Variants in XKR6 observed in about 807,000 individuals in gnomAD.
XKR6 encodes XK related 6, also known as XK-related protein 6.
A neutral mutation model predicts 56.7 loss-of-function variants in XKR6; 22 were observed. That is an observed-to-expected ratio of 0.39 (90% CI 0.28 to 0.55). The LOEUF (loss-of-function observed/expected upper bound fraction) is 0.55. Ranked by LOEUF, XKR6 falls within the 20% of genes least tolerant of loss-of-function variation. The pLI is 0.66. For synonymous variants in XKR6, 524 were observed against 387.8 expected, an observed-to-expected ratio of 1.35 and a Z score of -4.13; for missense variants, 852 against 889.0, an observed-to-expected ratio of 0.96 and a Z score of 0.53.
intron 1 of XKR6, among the ~76,000 whole-genome samples, chr8:10,968,996 G>A (rs1031226118): frequency 6.6e-6 from 1 of 152,210 alleles, no homozygotes; most frequent in Non-Finnish European, 1.5e-5. Flanking sequence ...GTTCAAGAAA[G>A]GGCAAAATAA....
chr8:10,947,245 G>C (rs1274086290), intron 1 of XKR6, among the ~76,000 whole-genome samples: 1 of 152,224 alleles, frequency 6.6e-6, no homozygotes, highest in Non-Finnish European at 1.5e-5. Context: ...CTGAGATTTG[G>C]TTTGGTTGAC....
At position 11,016,803 on chromosome 8, in the gene XKR6, T is replaced by C. The variant is rs184186588; in HGVS notation, c.765-91973A>G. ...TCCTTGCTCCCCCACCACTCTTCTCTCTCGGGCCAGCCGAGCCCAAAAGGC... is the reference window on the plus strand; with the variant it reads ...TCCTTGCTCCCCCACCACTCTTCTCCCTCGGGCCAGCCGAGCCCAAAAGGC... On this transcript the variant is annotated intron_variant, in intron 1 of 2. Transcript: ENST00000416569. 5.3e-3 allele frequency among the ~76,000 whole-genome samples: 809 copies of C among 152,268 alleles called. 3 individuals are homozygous for C. The highest frequency in any genetic ancestry group is 9.7e-3 in the Non-Finnish European group (659 of 68,024).
chr8:11,142,627 G>A (rs1373346332), intron 1 of XKR6, among the ~76,000 whole-genome samples: 1 of 152,170 alleles, frequency 6.6e-6, no homozygotes. Context: ...CTCTTGCCAT[G>A]TGAGATGCCT....
At chr8:11,182,036 C>G (rs1803014531) in intron 1 of XKR6, among the ~76,000 whole-genome samples, 1 of 152,236 alleles carries the variant, frequency 6.6e-6, no homozygotes, top group Non-Finnish European at 1.5e-5. Flanking sequence ...CCGCTCGCTT[C>G]CCAAAGTGCT....
At chr8:10,986,047 A>G (rs995669362) in intron 1 of XKR6, among the ~76,000 whole-genome samples, 2 of 152,258 alleles carry the variant, frequency 1.3e-5, no homozygotes, top group African/African-American at 4.8e-5. Flanking sequence ...ACAAAGATAC[A>G]GAATAGTGGA....
intron 1 of XKR6, among the ~76,000 whole-genome samples, chr8:11,059,168 G>C (rs958651597): frequency 6.6e-6 from 1 of 152,230 alleles, no homozygotes; most frequent in Admixed American, 6.5e-5. Context: ...TGGCGGCCAG[G>C]GTTTCGAGGG....
At chr8:11,167,582 G>A (rs1053271095) in intron 1 of XKR6, among the ~76,000 whole-genome samples, 26 of 152,224 alleles carry the variant, frequency 1.7e-4, no homozygotes, top group African/African-American at 5.1e-4. Context: ...AGTTACCTTA[G>A]GAAATTAGGG....
intron 1 of XKR6, among the ~76,000 whole-genome samples, chr8:11,070,019 A>T (rs1800076768): frequency 6.6e-6 from 1 of 152,136 alleles, no homozygotes; most frequent in South Asian, 2.1e-4. Flanking sequence ...TCCTAAAGGG[A>T]TCTTCTGAAG....
intron 1 of XKR6, among the ~76,000 whole-genome samples, chr8:10,954,422 A>C (rs891508847): frequency 2.6e-5 from 4 of 152,228 alleles, no homozygotes; most frequent in African/African-American, 7.2e-5. Context: ...AATGATGTTC[A>C]GTGTCTTTTC....
intron 1 of XKR6, among the ~76,000 whole-genome samples, chr8:11,170,505 A>G (rs1271779290): frequency 6.6e-6 from 1 of 152,210 alleles, no homozygotes; most frequent in Non-Finnish European, 1.5e-5. Context: ...GCAACTCTAC[A>G]GACACAGACT....
chr8:11,000,559 C>G (rs190638437), intron 1 of XKR6, among the ~76,000 whole-genome samples: 8 of 152,246 alleles, frequency 5.3e-5, no homozygotes, highest in African/African-American at 1.9e-4. Flanking sequence ...GTGGCACACG[C>G]CTGTAGTCCC....
intron 1 of XKR6, among the ~76,000 whole-genome samples, chr8:11,103,611 T>C (rs1156381074): frequency 2.0e-5 from 3 of 152,142 alleles, no homozygotes; most frequent in Admixed American, 1.3e-4. Context: ...CTGAGAACCA[T>C]TCAAGTAGTA....
At chr8:11,179,020 C>CTTTTTT (rs35214787) in intron 1 of XKR6, among the ~76,000 whole-genome samples, 156 of 104,452 alleles carry the variant, frequency 1.5e-3, no homozygotes, top group East Asian at 2.7e-3. Flanking sequence ...TTTTCTTTTT[C>CTTTTTT]TTTTTTTTTT....
intron 1 of XKR6, among the ~76,000 whole-genome samples, chr8:11,168,871 C>T (rs1177562792): frequency 6.6e-6 from 1 of 152,214 alleles, no homozygotes. Context: ...AACCAGTGGG[C>T]TTCCAGGAAA....
chr8:11,065,054 TA>T (rs1238327836), intron 1 of XKR6, among the ~76,000 whole-genome samples: 2 of 152,288 alleles, frequency 1.3e-5, no homozygotes, highest in African/African-American at 2.4e-5. Flanking sequence ...GCATAAAATT[TA>T]AAAAAATCAT....
chr8:11,195,591 T>C (rs1407053910), intron 1 of XKR6, among the ~76,000 whole-genome samples: 3 of 152,132 alleles, frequency 2.0e-5, no homozygotes, highest in Non-Finnish European at 4.4e-5. Context: ...CTCAAACACA[T>C]TTATACTTTT....
At chr8:10,999,769 T>C (rs1043738460) in intron 1 of XKR6, among the ~76,000 whole-genome samples, 1 of 152,236 alleles carries the variant, frequency 6.6e-6, no homozygotes, top group African/African-American at 2.4e-5. Flanking sequence ...TTATTCTGTA[T>C]GCCGTTGGGT....
chr8:11,093,650 G>T (rs1310602274), intron 1 of XKR6, among the ~76,000 whole-genome samples: 1 of 111,328 alleles, frequency 9.0e-6, no homozygotes, highest in African/African-American at 5.2e-5. Context: ...ATTGGAAAAG[G>T]ATATAAAAAC....
intron 1 of XKR6, among the ~76,000 whole-genome samples, chr8:11,176,527 A>T (rs925544913): frequency 7.9e-5 from 12 of 152,174 alleles, no homozygotes; most frequent in African/African-American, 2.7e-4. Context: ...ATATATTTTT[A>T]AAGAAATTAT....
Sources: allele counts gnomAD v4.1 joint callset (sites outside exome capture counted in the v4.1 genomes callset), GRCh38; gene constraint gnomAD v4.1.1; transcripts MANE v1.5; gene names NCBI Gene and HGNC (gene_info 2026-07-23, HGNC 2026-07-21).